The following SMAD6 variants were observed in gnomAD, a reference collection of about 807,000 sequenced individuals.
SMAD6 encodes SMAD family member 6.
Under a neutral mutation model 39.4 loss-of-function variants are expected in SMAD6, and 103 were observed. The observed-to-expected ratio is 2.62, with a 90% CI of 2.23 to 3.08. The LOEUF (loss-of-function observed/expected upper bound fraction) is 3.08. SMAD6 is among the 30% of genes most tolerant of loss of function. SMAD6 has a pLI of 0.00. For missense variants in SMAD6, 1,104 were observed against 742.9 expected, an observed-to-expected ratio of 1.49 and a Z score of -5.65; for synonymous variants, 445 against 353.3, an observed-to-expected ratio of 1.26 and a Z score of -2.91.
chr15:66,734,666 G>A lies in SMAD6; in HGVS notation c.952+18168G>A, dbSNP rs1400313576. ...CACAGATAGCAAGTGAAAGAGCTGC[G>A]ATGAGAACCCAATTTTTCCCCAAAC... On this transcript the variant is annotated intron_variant, in intron 3 of 3. Transcript: ENST00000288840. Among the ~76,000 whole-genome samples the A allele has an allele frequency of 2.0e-5, 3 of 152,168 alleles. No homozygotes were observed. The East Asian group carries it at 5.8e-4, about 29-fold the overall frequency.
intron 3 of SMAD6, among the ~76,000 whole-genome samples, chr15:66,719,195 G>C (rs1004465150): frequency 6.6e-6 from 1 of 152,192 alleles, no homozygotes; most frequent in Non-Finnish European, 1.5e-5. Flanking sequence ...ACATGAGCCT[G>C]GACAGTGTGA....
rs1309278755 is a variant in SMAD6, at chr15:66,782,750, T to C, written c.*1215T>C. The C allele has an allele frequency of 6.6e-6, 1 of 152,252 alleles. No homozygotes were observed. Among genetic ancestry groups the C allele is most frequent in the African/African-American group, 2.4e-5 (1 of 41,462 alleles). 9.4% of individuals were successfully genotyped at this position (152,252 alleles called of 1,614,324 possible). A position where few individuals can be genotyped will look rare whatever the true frequency, so the allele number is the denominator to read the frequency against. ...CCAGATAACTAAGAGGAATGTTTCA[T>C]TGTATATCTTTTTTCTTGGAGATTT... On this transcript the variant is annotated 3_prime_UTR_variant, in exon 4 of 4. Coordinates refer to ENST00000288840, the MANE Select transcript of SMAD6 (RefSeq NM_005585.5).
At chr15:66,756,632 C>CA (rs1201534725) in intron 3 of SMAD6, among the ~76,000 whole-genome samples, 2 of 151,870 alleles carry the variant, frequency 1.3e-5, no homozygotes, top group Non-Finnish European at 2.9e-5. Flanking sequence ...CACATACCCA[C>CA]AAAGGGGAGG....
chr15:66,736,311 G>A (rs1055952927), intron 3 of SMAD6, among the ~76,000 whole-genome samples: 2 of 152,182 alleles, frequency 1.3e-5, no homozygotes, highest in Middle Eastern at 3.4e-3. Context: ...CCAATACTGG[G>A]GACATACGCA....
At chr15:66,753,198 C>G (rs763856672) in intron 3 of SMAD6, among the ~76,000 whole-genome samples, 1 of 152,160 alleles carries the variant, frequency 6.6e-6, no homozygotes, top group Non-Finnish European at 1.5e-5. Flanking sequence ...ACAAAGGTCC[C>G]TGAGGCCTGA....
At chr15:66,772,121 G>A (rs1451586684) in intron 3 of SMAD6, among the ~76,000 whole-genome samples, 1 of 152,178 alleles carries the variant, frequency 6.6e-6, no homozygotes, top group Non-Finnish European at 1.5e-5. Context: ...CTTATAGCAT[G>A]GTCTCTGTGC....
intron 3 of SMAD6, among the ~76,000 whole-genome samples, chr15:66,764,731 G>A (rs773193202): frequency 1.3e-5 from 2 of 152,090 alleles, no homozygotes; most frequent in Non-Finnish European, 2.9e-5. Flanking sequence ...CATTTACCAC[G>A]TAAGTGTTCG....
At chr15:66,726,501 G>A (rs1037260045) in intron 3 of SMAD6, among the ~76,000 whole-genome samples, 5 of 152,174 alleles carry the variant, frequency 3.3e-5, no homozygotes, top group Admixed American at 2.0e-4. Context: ...GAGGGAAGCC[G>A]AGGAGGGTGG....
intron 1 of SMAD6, chr15:66,707,735 G>A (rs1893145578): frequency 6.6e-6 from 1 of 152,330 alleles, no homozygotes; most frequent in Non-Finnish European, 1.5e-5. Context: ...TTAGGGTTGA[G>A]TCTTCAGGTT....
rs1893013747 is a variant in SMAD6, at chr15:66,703,222, C to T, written c.-37C>T. On this transcript the variant is annotated 5_prime_UTR_variant, in exon 1 of 4. Coordinates refer to ENST00000288840, the MANE Select transcript of SMAD6 (RefSeq NM_005585.5). The stretch of plus-strand genomic sequence containing the variant: ...GGAACGGACCCCCGGTAACCGGAGA[C>T]CGCCTCCCCCCCACCCCTGGCGCCA... 13 of 1,333,612 alleles carry T rather than the reference C, an allele frequency of 9.7e-6. No individual in the cohort carries two copies. Among genetic ancestry groups the T allele is most frequent in the Non-Finnish European group, 1.3e-5 (13 of 1,031,376 alleles). 82.6% of individuals were successfully genotyped at this position (1,333,612 alleles called of 1,614,324 possible).
rs985023946 is a variant in SMAD6, at chr15:66,747,331, C to T, written c.952+30833C>T. Among the ~76,000 whole-genome samples, 1 of 152,270 alleles carries T rather than the reference C, an allele frequency of 6.6e-6. No individual in the cohort carries two copies. Among genetic ancestry groups the T allele is most frequent in the African/African-American group, 2.4e-5 (1 of 41,478 alleles). On this transcript the variant is annotated intron_variant, in intron 3 of 3. Coordinates refer to ENST00000288840, the MANE Select transcript of SMAD6 (RefSeq NM_005585.5). This position sits in a 1 kb window ranked among gnomAD's most constrained non-coding sequence, Gnocchi z 4.5. ...CCTGCCCTTCCCCATGAGCGCCTTACCTGCCGGTGCTAAGGAGCCTGGCTT... is the reference window on the plus strand; with the variant it reads ...CCTGCCCTTCCCCATGAGCGCCTTATCTGCCGGTGCTAAGGAGCCTGGCTT...
intron 3 of SMAD6, among the ~76,000 whole-genome samples, chr15:66,765,082 T>C (rs1161523363): frequency 6.6e-6 from 1 of 152,140 alleles, no homozygotes; most frequent in Non-Finnish European, 1.5e-5. Context: ...CCCCTGAAGA[T>C]GCTTGAATGA....
chr15:66,713,784 G>C (rs1284644532), intron 2 of SMAD6, among the ~76,000 whole-genome samples: 1 of 152,224 alleles, frequency 6.6e-6, no homozygotes, highest in African/African-American at 2.4e-5. Flanking sequence ...GTGGGAGTCA[G>C]CCACCAAACC....
chr15:66,755,926 T>G (rs925397713), intron 3 of SMAD6, among the ~76,000 whole-genome samples: 1 of 151,874 alleles, frequency 6.6e-6, no homozygotes, highest in Non-Finnish European at 1.5e-5. Flanking sequence ...CCCCCACCAC[T>G]GTATGGGGCT....
At chr15:66,761,069 CT>C (rs1268243666) in intron 3 of SMAD6, among the ~76,000 whole-genome samples, 1 of 152,194 alleles carries the variant, frequency 6.6e-6, no homozygotes, top group Non-Finnish European at 1.5e-5. Context: ...AACACTGCCT[CT>C]TTAACCCTTT....
Position 66,703,680 on chromosome 15 carries a change from C to T in SMAD6, c.422C>T (p.Ala141Val). 1 of 1,235,270 alleles carries T rather than the reference C, an allele frequency of 8.1e-7. No individual in the cohort carries two copies. Among genetic ancestry groups the T allele is most frequent in the Non-Finnish European group, 1.0e-6 (1 of 988,578 alleles). The allele number at this position is 1,235,270 out of a possible 1,614,324, so 76.5% of individuals were successfully genotyped here. ...GACGCCGCCGGCGCGCCCCGGGACG[C>T]CAGCGACCCCCTGGCCGGGGCGGCC... ...ERDAAGAPRD[A>V]SDPLAGAALE... Residue 141 changes from alanine (A) to valine (V), a missense_variant, in exon 1 of 4, where the codon GCC becomes GTC. Physicochemically the swap from Ala to Val is moderately conservative, Grantham distance 64. Transcript: ENST00000288840.
At chr15:66,761,619 T>A (rs574947769) in intron 3 of SMAD6, among the ~76,000 whole-genome samples, 58 of 152,320 alleles carry the variant, frequency 3.8e-4, no homozygotes, top group African/African-American at 1.3e-3. Context: ...GGGCCCTTCC[T>A]CCGAGGCAGC....
chr15:66,773,371 A>G (rs985487519), intron 3 of SMAD6, among the ~76,000 whole-genome samples: 2 of 152,134 alleles, frequency 1.3e-5, no homozygotes, highest in Non-Finnish European at 2.9e-5. Context: ...AGCCCGGTGG[A>G]TAAAGAACTG....
Position 66,704,021 on chromosome 15 carries a change from G to A in SMAD6, c.763G>A (p.Asp255Asn), listed in dbSNP as rs762676442. The change falls in exon 1 of 4, where the codon GAC becomes AAC. Residue 255 changes from aspartate (D) to asparagine (N), a missense_variant. Transcript: ENST00000288840. Reference protein sequence around the residue: ...CGCHSFAAAADGPTVCCNPYH... With the variant: ...CGCHSFAAAANGPTVCCNPYH... ...CTGCCACAGCTTCGCCGCCGCCGCCGACGGCCCTACCGTGTGCTGCAACCC... is the reference window on the plus strand; with the variant it reads ...CTGCCACAGCTTCGCCGCCGCCGCCAACGGCCCTACCGTGTGCTGCAACCC... 1.8e-5 allele frequency: 27 copies of A among 1,505,218 alleles called. No individual in the cohort carries two copies. The South Asian group carries it at 2.0e-4, about 11-fold the overall frequency. 93.2% of individuals were successfully genotyped at this position (1,505,218 alleles called of 1,614,324 possible).
Sources: allele counts gnomAD v4.1 joint callset (sites outside exome capture counted in the v4.1 genomes callset), GRCh38; gene constraint gnomAD v4.1.1; non-coding constraint Gnocchi (gnomAD v3.1); transcripts MANE v1.5; gene names NCBI Gene and HGNC (gene_info 2026-07-23, HGNC 2026-07-21).